The following CREB3L3 variants were observed in gnomAD, a reference collection of about 807,000 sequenced individuals.
The protein encoded by CREB3L3 is cAMP responsive element binding protein 3 like 3, also known as cyclic AMP-responsive element-binding protein 3-like protein 3.
In CREB3L3, 40 loss-of-function variants were observed where a neutral mutation model predicts 44.6. The ratio of observed to expected loss-of-function variants is 0.90; its 90% confidence interval spans 0.70 to 1.17. CREB3L3 has a LOEUF of 1.17. CREB3L3 is among the 50% of genes most tolerant of loss of function. The probability of loss-of-function intolerance (pLI) is 0.00; values close to 1 mark genes in which losing one functional copy is unlikely to be tolerated. For missense variants in CREB3L3, 578 were observed against 595.8 expected (o/e 0.97, Z 0.31); for synonymous variants, 273 against 256.3 (o/e 1.06, Z -0.62).
At chr19:4,155,150 A>T in intron 2 of CREB3L3, 123 bp downstream of exon 2, 1 of 1,226,322 alleles carries the variant, frequency 8.2e-7, no homozygotes, top group South Asian at 1.3e-5. Flanking sequence ...CGATGCACTA[A>T]TGGGTCACGG....
rs762836254 is a variant in CREB3L3 at position 4,171,107 on chromosome 19, C to G, written c.907C>G (p.Leu303Val). 3.1e-6 allele frequency: 5 copies of G among 1,614,116 alleles called. No individual in the cohort carries two copies. The highest frequency in any genetic ancestry group is 1.1e-5 in the South Asian group (1 of 91,084). Residue 303 changes from leucine (L) to valine (V), a missense_variant, in exon 8 of 10, where the codon CTG becomes GTG. Leu to Val is a conservative substitution (Grantham distance 32). Transcript: ENST00000078445. This position sits in a 1 kb window ranked among gnomAD's most constrained non-coding sequence, Gnocchi z 4.9. ...CTCTCTAAGGTCCCTCTTGGAGCAA[C>G]TGAAGAAACTCCAGGCCATTGTGGT... is the stretch of plus-strand genomic sequence containing the variant. ...EKQNLSLLEQ[L>V]KKLQAIVVQS...
chr19:4,156,108 TCTCTCTCTCTCC>T (rs375285830), intron 2 of CREB3L3, among the ~76,000 whole-genome samples: 23 of 44,390 alleles, frequency 5.2e-4, no homozygotes, highest in African/African-American at 2.5e-3. Context: ...TCTCTCTCTC[TCTCTCTCTCTCC>T]CCCCCTCTCT....
At chr19:4,159,864 A>G (rs2041636566) in intron 4 of CREB3L3, 82 bp downstream of exon 4, 1 of 772,444 alleles carries the variant, frequency 1.3e-6, no homozygotes, top group Non-Finnish European at 2.4e-6. Context: ...TCCCCGTTTC[A>G]GAGACTGGAA....
rs1026213800 is a variant in CREB3L3, at chr19:4,154,822, G to A, written c.28-77G>A. 3.7e-6 allele frequency: 6 copies of A among 1,606,400 alleles called. No homozygotes were observed. The African/African-American group carries it at 6.7e-5, about 18-fold the overall frequency. On this transcript the variant is annotated intron_variant, in intron 1 of 9. Transcript: ENST00000078445. ...GGCAACTGAACTCTAGCCGGAAAGA[G>A]CCAGGGTTATGTGCACATGGGAGGT...
Position 4,159,687 on chromosome 19 carries a change from A to T in CREB3L3, c.481A>T (p.Ile161Phe). 1 of 1,571,714 alleles carries T rather than the reference A, an allele frequency of 6.4e-7. No individual in the cohort carries two copies. ...DLEMWSPGGR[I>F]CAEKPADPVD... is the part of the protein sequence containing the mutation. ...AGAAATGTGGAGCCCAGGAGGAAGG[A>T]TCTGTGCTGAGAAGCCGGCTGATCC... Residue 161 changes from isoleucine (I) to phenylalanine (F), a missense_variant, in exon 4 of 10, where the codon ATC (isoleucine) becomes TTC (phenylalanine). Transcript: ENST00000078445.
intron 4 of CREB3L3, 61 bp from the exon 5 acceptor site, chr19:4,164,442 C>G (rs1449549243): frequency 6.2e-7 from 1 of 1,607,884 alleles, no homozygotes; most frequent in East Asian, 2.2e-5. Context: ...ATACCTCTTT[C>G]ATTTCCTGAA....
intron 5 of CREB3L3, among the ~76,000 whole-genome samples, chr19:4,167,217 C>T (rs1306284068): frequency 6.6e-6 from 1 of 151,892 alleles, no homozygotes; most frequent in Non-Finnish European, 1.5e-5. Context: ...GTGTTGTGCA[C>T]CTGTAATCCC....
At chr19:4,167,544 G>GAAA (rs1249072901) in intron 5 of CREB3L3, among the ~76,000 whole-genome samples, 36 of 137,694 alleles carry the variant, frequency 2.6e-4, no homozygotes, top group Non-Finnish European at 4.6e-4. Flanking sequence ...AAGGAAGGGA[G>GAAA]GGAGGGAGGG....
At chr19:4,165,564 G>T (rs1966888732) in intron 5 of CREB3L3, among the ~76,000 whole-genome samples, 1 of 151,932 alleles carries the variant, frequency 6.6e-6, no homozygotes, top group Non-Finnish European at 1.5e-5. Context: ...TTTTACAAGA[G>T]AACTCAGTGA....
chr19:4,169,190 A>G (rs941546001), intron 6 of CREB3L3, among the ~76,000 whole-genome samples: 8 of 151,968 alleles, frequency 5.3e-5, no homozygotes, highest in African/African-American at 1.7e-4. Flanking sequence ...GGGGAGAGGG[A>G]GAGATGAAAC....
rs1228792645 is a variant in CREB3L3, at chr19:4,172,008, G to A, written c.*39G>A. On this transcript the variant is annotated 3_prime_UTR_variant, in exon 10 of 10. Transcript: ENST00000078445. ...TATGCTCCCAGGCCCCTCTGCCCAGGGGTGCCTTGGGGATGCTGCACTGGG... is the reference window on the plus strand; with the variant it reads ...TATGCTCCCAGGCCCCTCTGCCCAGAGGTGCCTTGGGGATGCTGCACTGGG... 1.3e-6 allele frequency: 2 copies of A among 1,525,644 alleles called. No individual in the cohort carries two copies. The highest frequency in any genetic ancestry group is 1.8e-6 in the Non-Finnish European group (2 of 1,137,108). 94.5% of individuals were successfully genotyped at this position (1,525,644 alleles called of 1,614,324 possible).
intron 5 of CREB3L3, among the ~76,000 whole-genome samples, chr19:4,165,998 T>C (rs1031381213): frequency 1.3e-5 from 2 of 152,136 alleles, no homozygotes; most frequent in African/African-American, 4.8e-5. Context: ...AGTCAATGGC[T>C]GGGTAGCTGT....
Position 4,171,530 on chromosome 19 carries a change from T to G in CREB3L3, c.1072+51T>G. 1 of 1,604,962 alleles carries G rather than the reference T, an allele frequency of 6.2e-7. No individual in the cohort carries two copies. The highest frequency in any genetic ancestry group is 8.5e-7 in the Non-Finnish European group (1 of 1,171,994). The stretch of plus-strand genomic sequence containing the variant: ...CTTGTCTGGTCTCCCCAAGTCCCCG[T>G]CCTGGGCCTCTGGGGGAGGGGGAGA... On this transcript the variant is annotated intron_variant, in intron 9 of 9. Coordinates refer to ENST00000078445, the MANE Select transcript of CREB3L3 (RefSeq NM_032607.3). This position sits in a 1 kb window ranked among gnomAD's most constrained non-coding sequence, Gnocchi z 4.9.
chr19:4,157,891 G>T (rs2041607333), intron 3 of CREB3L3, among the ~76,000 whole-genome samples: 1 of 151,806 alleles, frequency 6.6e-6, no homozygotes, highest in Non-Finnish European at 1.5e-5. Context: ...CACCATGTTG[G>T]CCAGGCTGGT....
In CREB3L3 at chr19:4,171,737, GACCCGAGGCTGACACA is replaced by G. The variant is rs1268053261; in HGVS notation, c.1162_1177del (p.Ala388LysfsTer19). The G allele has an allele frequency of 6.2e-7, 1 of 1,613,146 alleles. No homozygotes were observed. The highest frequency in any genetic ancestry group is 8.5e-7 in the Non-Finnish European group (1 of 1,180,022). On this transcript the variant is annotated frameshift_variant, in exon 10 of 10. Coordinates refer to ENST00000078445, the MANE Select transcript of CREB3L3 (RefSeq NM_032607.3). LOFTEE classifies it low-confidence loss of function (END_TRUNC). This position sits in a 1 kb window ranked among gnomAD's most constrained non-coding sequence, Gnocchi z 4.9. Reference sequence around the variant, plus strand: ...CCAGGCTCCGAGGCCCCAGGACCCCGACCCGAGGCTGACACAACCCGAGAAGAGTCTCCAGGAAGCC... The same window carrying G: ...CCAGGCTCCGAGGCCCCAGGACCCCGACCCGAGAAGAGTCTCCAGGAAGCC...
chr19:4,158,049 C>T (rs16992283), intron 3 of CREB3L3, among the ~76,000 whole-genome samples: 7,594 of 152,076 alleles, frequency 0.05, 624 homozygotes, highest in African/African-American at 0.17. Context: ...TCCTCCTAGA[C>T]GTGGGGAACA....
chr19:4,157,400 C>A, intron 3 of CREB3L3, 105 bp downstream of exon 3: 1 of 1,297,792 alleles, frequency 7.7e-7, no homozygotes, highest in Non-Finnish European at 1.1e-6. Flanking sequence ...TGTCCAAGGT[C>A]ACACAGCAAT....
intron 5 of CREB3L3, among the ~76,000 whole-genome samples, chr19:4,166,421 ATT>A (rs35783380): frequency 0.24 from 24,818 of 103,776 alleles, 2,680 homozygotes; most frequent in Non-Finnish European, 0.3. Flanking sequence ...CGCCTGGCTA[ATT>A]TTTTTTTTTT....
chr19:4,157,084 C>T lies in CREB3L3; in HGVS notation c.246C>T (p.Pro82=), dbSNP rs557683895. The T allele has an allele frequency of 2.2e-5, 35 of 1,614,030 alleles. No individual in the cohort carries two copies. Among genetic ancestry groups the T allele is most frequent in the East Asian group, 4.5e-5 (2 of 44,868 alleles). ...TGCCCAGCTCCCCACTCTGGTCCCC[C>T]GAAGGCAGTGATAGTGGCATCTCCG... ...DSLPSSPLWS[P]EGSDSGISED... The change falls in exon 3 of 10, where the codon CCC becomes CCT. Residue 82 remains proline, a synonymous_variant. Transcript: ENST00000078445.
Sources: gnomAD v4.1 joint callset for allele counts (sites outside exome capture counted in the v4.1 genomes callset) on GRCh38, gnomAD v4.1.1 for gene constraint, Gnocchi (gnomAD v3.1) non-coding constraint, MANE v1.5 for transcripts, NCBI Gene and HGNC (gene_info 2026-07-23, HGNC 2026-07-21) for gene names.